NFILZ: variants seen among roughly 807,000 people sequenced by gnomAD.
NFILZ encodes the protein NFIL3 like protein.
chr19:8,671,924 G>C (rs1236569620), intron 3 of NFILZ, among the ~76,000 whole-genome samples: 1 of 152,214 alleles, frequency 6.6e-6, no homozygotes, highest in African/African-American at 2.4e-5. Flanking sequence ...TGGGGCTCAG[G>C]TGAGCTGTCT....
chr19:8,672,480 A>C (rs1440226042), intron 3 of NFILZ, among the ~76,000 whole-genome samples: 2 of 152,186 alleles, frequency 1.3e-5, no homozygotes, highest in African/African-American at 4.8e-5. Flanking sequence ...TTATTAGTTC[A>C]TTCAAAAAAA....
chr19:8,656,289 C>CCTCCTCCCTGAAGCCCACCTTCTCCCTGA (rs1212956882), intron 3 of NFILZ, among the ~76,000 whole-genome samples: 3 of 32,958 alleles, frequency 9.1e-5, no homozygotes, highest in Non-Finnish European at 1.5e-4. Flanking sequence ...CTTCTCCCCA[C>CCTCCTCCCTGAAGCCCACCTTCTCCCTGA]AGCCCACCTC....
chr19:8,667,690 G>T (rs8110477), intron 3 of NFILZ, among the ~76,000 whole-genome samples: 2,167 of 152,088 alleles, frequency 0.014, 60 homozygotes, highest in African/African-American at 0.049. Flanking sequence ...TGGGATTACA[G>T]GTGTCCACCA....
At chr19:8,648,356 C>G (rs2042951458) in intron 3 of NFILZ, among the ~76,000 whole-genome samples, 1 of 151,944 alleles carries the variant, frequency 6.6e-6, no homozygotes, top group Admixed American at 6.6e-5. Context: ...GAATGGGAAG[C>G]TAGTGTTTAA....
At chr19:8,644,292 G>T (rs10413704) in intron 3 of NFILZ, among the ~76,000 whole-genome samples, 1 of 151,906 alleles carries the variant, frequency 6.6e-6, no homozygotes, top group Non-Finnish European at 1.5e-5. Context: ...GTAGAGACAG[G>T]GTTTCACTAT....
rs35056229 is a variant in NFILZ, at chr19:8,632,245, A to AGTGTGTGT, written c.-410-208_-410-201dup. On this transcript the variant is annotated intron_variant, in intron 1 of 5. Coordinates refer to ENST00000691075, the MANE Select transcript of NFILZ (RefSeq NM_001378600.1). ...TTCAGGGCTGACTGCCCCGCCATAC[A>AGTGTGTGT]GTGTGTGTGTGTGTGTGTGTGTGTG... is the stretch of plus-strand genomic sequence containing the variant. Among the ~76,000 whole-genome samples, 834 of 145,324 alleles carry AGTGTGTGT rather than the reference A, an allele frequency of 5.7e-3. 7 individuals are homozygous for AGTGTGTGT. Among genetic ancestry groups the AGTGTGTGT allele is most frequent in the African/African-American group, 0.015 (579 of 39,400 alleles).
intron 3 of NFILZ, among the ~76,000 whole-genome samples, chr19:8,647,809 A>C (rs1293072781): frequency 7.2e-6 from 1 of 139,292 alleles, no homozygotes; most frequent in African/African-American, 2.7e-5. Flanking sequence ...ACACACACAC[A>C]CACACACACA....
intron 3 of NFILZ, among the ~76,000 whole-genome samples, chr19:8,649,365 A>G (rs1363640638): frequency 6.6e-6 from 1 of 152,056 alleles, no homozygotes; most frequent in Non-Finnish European, 1.5e-5. Flanking sequence ...TCCCGAGTTC[A>G]AGCGATTCTT....
At chr19:8,644,862 G>T (rs1423992372) in intron 3 of NFILZ, among the ~76,000 whole-genome samples, 1 of 151,566 alleles carries the variant, frequency 6.6e-6, no homozygotes, top group Admixed American at 6.6e-5. Flanking sequence ...CGCTTCCCTG[G>T]TTCAGAGGAT....
chr19:8,666,400 T>A (rs888541803), intron 3 of NFILZ, among the ~76,000 whole-genome samples: 5 of 151,682 alleles, frequency 3.3e-5, no homozygotes, highest in Non-Finnish European at 7.4e-5. Context: ...GGTCTTGAAC[T>A]CCTAGGCTCA....
chr19:8,631,895 G>A (rs1459133735), intron 1 of NFILZ, among the ~76,000 whole-genome samples: 1 of 149,664 alleles, frequency 6.7e-6, no homozygotes, highest in Admixed American at 6.7e-5. Flanking sequence ...TTGAGATGGG[G>A]TTTCGCTCTT....
chr19:8,635,648 A>G lies in NFILZ; in HGVS notation c.-260-2A>G, dbSNP rs1165979768. ...ACCATGCATCCATTCATTTGTTGAC[A>G]GACACGTGAGTTGTTTCCAGTTTTG... On this transcript the variant is annotated splice_acceptor_variant, in intron 2 of 5. Transcript: ENST00000691075. LOFTEE classifies it low-confidence loss of function (5UTR_SPLICE). 6.6e-6 allele frequency: 1 copy of G among 152,140 alleles called. No homozygotes were observed. Among genetic ancestry groups the G allele is most frequent in the Admixed American group, 6.6e-5 (1 of 15,254 alleles). The allele number at this position is 152,140 out of a possible 1,614,324, so 9.4% of individuals were successfully genotyped here. A position where few individuals can be genotyped will look rare whatever the true frequency, so the allele number is the denominator to read the frequency against.
intron 3 of NFILZ, among the ~76,000 whole-genome samples, chr19:8,654,247 AAAAC>A (rs1356661265): frequency 1.9e-4 from 28 of 151,228 alleles, no homozygotes; most frequent in African/African-American, 3.2e-4. Context: ...CAAACAAACA[AAAAC>A]AAACAAACAA....
At chr19:8,647,643 A>G (rs1004288257) in intron 3 of NFILZ, among the ~76,000 whole-genome samples, 1 of 149,400 alleles carries the variant, frequency 6.7e-6, no homozygotes, top group East Asian at 2.1e-4. Context: ...GCTGGAAGCC[A>G]TCATTCTCAG....
chr19:8,632,187 T>C (rs1242106924), intron 1 of NFILZ, among the ~76,000 whole-genome samples: 4 of 151,124 alleles, frequency 2.6e-5, no homozygotes, highest in African/African-American at 9.7e-5. Context: ...GTTTTATTAC[T>C]GGGATGCTCT....
At chr19:8,669,614 A>G (rs1449547126) in intron 3 of NFILZ, among the ~76,000 whole-genome samples, 3 of 152,150 alleles carry the variant, frequency 2.0e-5, no homozygotes, top group Non-Finnish European at 4.4e-5. Flanking sequence ...GTGCTATGCA[A>G]ACTCAAAACT....
rs574469610 is a variant in NFILZ, at chr19:8,633,583, C to T, written c.-261+958C>T. On this transcript the variant is annotated intron_variant, in intron 2 of 5. Coordinates refer to ENST00000691075, the MANE Select transcript of NFILZ (RefSeq NM_001378600.1). The stretch of plus-strand genomic sequence containing the variant: ...GGCCAGCTCCTTTCCCTCTCTCTAC[C>T]TTCCCCCACCTCTGGCTCTTGGAAG... Among the ~76,000 whole-genome samples, 10 of 152,256 alleles carry T rather than the reference C, an allele frequency of 6.6e-5. No homozygotes were observed. In the South Asian group the frequency reaches 2.1e-3, roughly 32 times the overall value.
Position 8,678,297 on chromosome 19 carries a change from T to C in NFILZ, c.*662T>C, listed in dbSNP as rs2043128448. Among the ~76,000 whole-genome samples, 1 of 151,440 alleles carries C rather than the reference T, an allele frequency of 6.6e-6. No homozygotes were observed. The highest frequency in any genetic ancestry group is 2.4e-5 in the African/African-American group (1 of 41,206). On this transcript the variant is annotated 3_prime_UTR_variant, in exon 6 of 6. Coordinates refer to ENST00000691075, the MANE Select transcript of NFILZ (RefSeq NM_001378600.1). ...CCATGCATCTATTCTCATTCATCCA[T>C]GCATTTGTTCTTCCTTCTTTCTATC...
At chr19:8,675,592 A>T (rs1555750636) in intron 4 of NFILZ, among the ~76,000 whole-genome samples, 1 of 152,176 alleles carries the variant, frequency 6.6e-6, no homozygotes, top group Non-Finnish European at 1.5e-5. Context: ...ACAAAGTGAG[A>T]CCATGTTCCT....
Sources: allele counts gnomAD v4.1 joint callset (sites outside exome capture counted in the v4.1 genomes callset), GRCh38; gene constraint gnomAD v4.1.1; transcripts MANE v1.5; gene names NCBI Gene and HGNC (gene_info 2026-07-23, HGNC 2026-07-21).